PHF8: variants seen among roughly 807,000 people sequenced by gnomAD.
PHF8 encodes histone lysine demethylase PHF8.
In PHF8, 9 loss-of-function variants were observed where a neutral mutation model predicts 74.4. The observed-to-expected ratio is 0.12, with a 90% CI of 0.07 to 0.21. The LOEUF is 0.21. Among genes scored for constraint, PHF8 ranks in the 10% least tolerant of loss-of-function variants. The pLI, the probability that PHF8 is intolerant of heterozygous loss-of-function variation, is 1.00. For missense variants in PHF8, 478 were observed against 816.6 expected, an observed-to-expected ratio of 0.59 and a Z score of 5.05; for synonymous variants, 311 against 316.6, an observed-to-expected ratio of 0.98 and a Z score of 0.19.
Position 54,023,725 on chromosome X carries a change from A to G in PHF8, c.99-882T>C, listed in dbSNP as rs190847905. Among the ~76,000 whole-genome samples the G allele has an allele frequency of 4.3e-3, 456 of 107,192 alleles. 3 individuals carry two copies. The highest frequency in any genetic ancestry group is 0.015 in the African/African-American group (428 of 29,354). 93.1% of individuals were successfully genotyped at this position (107,192 alleles called of 115,157 possible). On this transcript the variant is annotated intron_variant, in intron 2 of 21. Coordinates refer to ENST00000338154, the MANE Select transcript of PHF8 (RefSeq NM_015107.3). Reference sequence around the variant, plus strand: ...TCTACCAAAACAAACAAAAAAATTTAGCTGAGCATGGAGGCTGAGCTGGGA... The same window carrying G: ...TCTACCAAAACAAACAAAAAAATTTGGCTGAGCATGGAGGCTGAGCTGGGA...
chrX:54,011,468 T>G (rs1173557330), intron 7 of PHF8, among the ~76,000 whole-genome samples, 184 bp from the exon 8 acceptor site: 2 of 112,707 alleles, frequency 1.8e-5, no homozygotes, highest in Non-Finnish European at 3.7e-5. Context: ...GTCACTTTGC[T>G]TTTTGTACTT....
rs2064690310 is a variant in PHF8 at position 53,937,870 on chromosome X, A to C, written c.*1288T>G. On this transcript the variant is annotated 3_prime_UTR_variant, in exon 22 of 22. Coordinates refer to ENST00000338154, the MANE Select transcript of PHF8 (RefSeq NM_015107.3). The stretch of plus-strand genomic sequence containing the variant: ...TGGGGGGATGTTCTCCATCGAGTCC[A>C]GATTGCCAGTGAGGCAAGGCGGTGG... The C allele has an allele frequency of 1.6e-6, 1 of 613,003 alleles. No individual in the cohort carries two copies. Among genetic ancestry groups the C allele is most frequent in the Non-Finnish European group, 2.6e-6 (1 of 387,079 alleles). The allele number at this position is 613,003 out of a possible 1,213,427, so 50.5% of individuals were successfully genotyped here.
intron 19 of PHF8, among the ~76,000 whole-genome samples, chrX:53,950,868 A>G (rs949269394): frequency 6.2e-5 from 7 of 112,507 alleles, no homozygotes; most frequent in Non-Finnish European, 1.3e-4. Context: ...TCAACAAAAA[A>G]TTACAAGACA....
intron 19 of PHF8, among the ~76,000 whole-genome samples, chrX:53,952,887 CA>C (rs781901722): frequency 1.9e-3 from 86 of 44,836 alleles, no homozygotes; most frequent in Middle Eastern, 0.014. Context: ...GACTCTGCCT[CA>C]AAAAAAAAAA....
chrX:53,956,754 C>G (rs1399104319), intron 19 of PHF8, among the ~76,000 whole-genome samples: 1 of 108,864 alleles, frequency 9.2e-6, no homozygotes, highest in Non-Finnish European at 1.9e-5. Flanking sequence ...ATGGGCAACT[C>G]GAAAACCTTG....
intron 19 of PHF8, among the ~76,000 whole-genome samples, chrX:53,960,200 C>A (rs1426734374): frequency 9.3e-6 from 1 of 107,961 alleles, no homozygotes; most frequent in African/African-American, 3.4e-5. Flanking sequence ...CTCAGCCTCC[C>A]GAGTAGCTGG....
At chrX:54,005,734 G>A (rs997549123) in intron 8 of PHF8, among the ~76,000 whole-genome samples, 4 of 108,989 alleles carry the variant, frequency 3.7e-5, no homozygotes, top group South Asian at 3.8e-4. Context: ...AGGCCAGAAC[G>A]AAACAGCAAA....
chrX:53,980,192 T>C (rs1448850507), intron 18 of PHF8, among the ~76,000 whole-genome samples: 3 of 111,259 alleles, frequency 2.7e-5, no homozygotes, highest in African/African-American at 6.5e-5. Context: ...GAGGATATTA[T>C]GGGTTGAATG....
intron 8 of PHF8, among the ~76,000 whole-genome samples, chrX:54,006,058 C>T (rs951058496): frequency 8.9e-6 from 1 of 112,209 alleles, no homozygotes; most frequent in African/African-American, 3.2e-5. Context: ...TAGTAGCCCT[C>T]TTGGTGTAGT....
chrX:54,018,689 C>T (rs1032666415), intron 4 of PHF8, among the ~76,000 whole-genome samples: 12 of 108,652 alleles, frequency 1.1e-4, no homozygotes, highest in Admixed American at 6.9e-4. Flanking sequence ...GGCACAATCT[C>T]GGCTCACCAC....
intron 7 of PHF8, among the ~76,000 whole-genome samples, chrX:54,013,767 G>A (rs890005314): frequency 9.1e-6 from 1 of 110,184 alleles, no homozygotes; most frequent in African/African-American, 3.3e-5. Context: ...GCAGTGAGCT[G>A]AGATCACGCC....
Position 53,938,585 on chromosome X carries a change from G to A in PHF8, c.*573C>T. The A allele has an allele frequency of 1.3e-6, 1 of 757,944 alleles. No homozygotes were observed. Among genetic ancestry groups the A allele is most frequent in the Non-Finnish European group, 1.6e-6 (1 of 641,617 alleles). 62.5% of individuals were successfully genotyped at this position (757,944 alleles called of 1,213,427 possible). On this transcript the variant is annotated 3_prime_UTR_variant, in exon 22 of 22. Transcript: ENST00000338154. ...AAATGGCCCACAGTGGGGCAGGAAG[G>A]AGGCTCTAGGCCTTCCTCTTCATTT...
intron 8 of PHF8, among the ~76,000 whole-genome samples, chrX:54,008,126 T>C (rs782725320): frequency 9.9e-5 from 11 of 111,371 alleles, no homozygotes; most frequent in African/African-American, 3.6e-4. Flanking sequence ...CCCAGCACTT[T>C]GGGAGGCTGA....
intron 2 of PHF8, among the ~76,000 whole-genome samples, chrX:54,038,519 T>TAA (rs1557115023): frequency 8.9e-6 from 1 of 112,022 alleles, no homozygotes; most frequent in Non-Finnish European, 1.9e-5. Context: ...CCCTAACTTG[T>TAA]GTTTCATCAG....
At chrX:53,951,754 C>T (rs782617819) in intron 19 of PHF8, among the ~76,000 whole-genome samples, 15 of 110,187 alleles carry the variant, frequency 1.4e-4, no homozygotes, top group Non-Finnish European at 2.3e-4. Context: ...GCCCGGCCAA[C>T]GACAACAGAA....
Position 53,985,865 on chromosome X carries a change from G to C in PHF8, c.2080C>G (p.Leu694Val). ...CCCACCTGCCTGCTGGCCTTGAGCA[G>C]ATCAAGAATGCCACCAGCGCCACTA... ...NGSGAGGILD[L>V]LKASRQVGGP... The change falls in exon 17 of 22, where the codon CTG (leucine) becomes GTG (valine). Residue 694 changes from leucine (L) to valine (V), a missense_variant. By Grantham distance (32) the Leu-to-Val change is conservative. This residue lies in a region of PHF8 where 45 missense variants were observed against 94.4 expected (regional missense o/e 0.48). Transcript: ENST00000338154. The C allele has an allele frequency of 8.3e-7, 1 of 1,210,075 alleles. No homozygotes were observed. Among genetic ancestry groups the C allele is most frequent in the Non-Finnish European group, 1.1e-6 (1 of 894,145 alleles).
At chrX:53,953,601 G>A (rs1220686598) in intron 19 of PHF8, among the ~76,000 whole-genome samples, 2 of 100,825 alleles carry the variant, frequency 2.0e-5, no homozygotes, top group African/African-American at 3.6e-5. Context: ...CCAAGATCGC[G>A]TTGCTGCATT....
chrX:54,041,444 GAGACC>G (rs1268132065), intron 2 of PHF8, among the ~76,000 whole-genome samples: 4 of 109,857 alleles, frequency 3.6e-5, no homozygotes, highest in African/African-American at 1.3e-4. Context: ...CCCTCTGGAG[GAGACC>G]AGACAACTGA....
upstream of PHF8, chrX:54,045,034 T>C: frequency 1.8e-6 from 1 of 557,060 alleles, no homozygotes; most frequent in Non-Finnish European, 3.0e-6. Context: ...GCAGGGACGT[T>C]GAACCTTGTG....
Sources: allele counts gnomAD v4.1 joint callset (sites outside exome capture counted in the v4.1 genomes callset), GRCh38; gene constraint gnomAD v4.1.1; regional missense constraint gnomAD v4.1.1; transcripts MANE v1.5; gene names NCBI Gene and HGNC (gene_info 2026-07-23, HGNC 2026-07-21).